ERC1: variants seen among roughly 807,000 people sequenced by gnomAD.
ERC1 encodes ELKS/RAB6-interacting/CAST family member 1, also known as RAB6 interacting protein 2.
In ERC1, 56 loss-of-function variants were observed where a neutral mutation model predicts 132.0. The ratio of observed to expected loss-of-function variants is 0.42; its 90% CI spans 0.34 to 0.53. ERC1 has a LOEUF of 0.53. Among genes scored for constraint, ERC1 ranks in the 20% least tolerant of loss-of-function variants. The pLI, the probability that ERC1 is intolerant of heterozygous loss-of-function variation, is 0.03. For missense variants in ERC1, 1,202 were observed against 1,349.9 expected, an observed-to-expected ratio of 0.89 and a Z score of 1.72; for synonymous variants, 478 against 476.1, an observed-to-expected ratio of 1.00 and a Z score of -0.05.
intron 8 of ERC1, among the ~76,000 whole-genome samples, chr12:1,142,272 T>A (rs1949927641): frequency 6.6e-6 from 1 of 152,186 alleles, no homozygotes; most frequent in Non-Finnish European, 1.5e-5. Context: ...CCTTAGTGCT[T>A]GTTATTTCCC....
intron 12 of ERC1, among the ~76,000 whole-genome samples, chr12:1,230,810 AT>A (rs2074973235): frequency 6.6e-6 from 1 of 152,164 alleles, no homozygotes; most frequent in Admixed American, 6.5e-5. Context: ...GAATTGACCC[AT>A]TTATTGTTGT....
intron 7 of ERC1, among the ~76,000 whole-genome samples, chr12:1,129,091 T>C (rs1238121169): frequency 6.6e-6 from 1 of 152,198 alleles, no homozygotes; most frequent in Non-Finnish European, 1.5e-5. Flanking sequence ...ATGATAGGAA[T>C]GGATTCTTCA....
chr12:1,408,136 A>G lies in ERC1; in HGVS notation c.2926-13A>G. 6.3e-7 allele frequency: 1 copy of G among 1,599,136 alleles called. No homozygotes were observed. Among genetic ancestry groups the G allele is most frequent in the Middle Eastern group, 1.7e-4 (1 of 6,030 alleles). ...TTTACTTAAATTTAACCTTATGAAT[A>G]ATTTCTTCCTAGACGCAAAATCGAA... On this transcript the variant is annotated splice_polypyrimidine_tract_variant and intron_variant, in intron 16 of 18. Coordinates refer to ENST00000360905, the MANE Select transcript of ERC1 (RefSeq NM_178040.4).
At chr12:1,042,411 T>G (rs1241853764) in intron 2 of ERC1, among the ~76,000 whole-genome samples, 1 of 146,564 alleles carries the variant, frequency 6.8e-6, no homozygotes, top group African/African-American at 2.5e-5. Flanking sequence ...AGTGACACGA[T>G]CTTGGCTCAC....
At chr12:1,100,434 TCTG>T (rs1944534826) in intron 3 of ERC1, among the ~76,000 whole-genome samples, 1 of 152,202 alleles carries the variant, frequency 6.6e-6, no homozygotes, top group South Asian at 2.1e-4. Context: ...TATTTTGACT[TCTG>T]CTTTAAAAAG....
Position 1,400,908 on chromosome 12 carries a change from ATTTTTGTATTTTTTTTTTTTTTTTTTTTT to A in ERC1, c.2926-7235_2926-7207del, listed in dbSNP as rs2090974145. 9.2e-5 allele frequency among the ~76,000 whole-genome samples: 4 copies of A among 43,408 alleles called. 1 individual carries two copies. In the South Asian group the frequency reaches 2.0e-3, roughly 22 times the overall value. The allele number at this position is 43,408 out of a possible 152,430, so 28.5% of individuals were successfully genotyped here. ...CTTCTCATTCAATATTGTTTTGGCT[ATTTTTGTATTTTTTTTTTTTTTTTTTTTT>A]TTTTTTTTTTTTTTTTGTGACGGAG... On this transcript the variant is annotated intron_variant, in intron 16 of 18. Coordinates refer to ENST00000360905, the MANE Select transcript of ERC1 (RefSeq NM_178040.4).
chr12:1,324,638 C>T (rs1460170280), intron 15 of ERC1, among the ~76,000 whole-genome samples: 3 of 152,060 alleles, frequency 2.0e-5, no homozygotes, highest in Non-Finnish European at 4.4e-5. Flanking sequence ...AATTATTATC[C>T]AATACATATG....
chr12:1,363,858 G>A (rs1188634414), intron 15 of ERC1, among the ~76,000 whole-genome samples: 1 of 152,114 alleles, frequency 6.6e-6, no homozygotes, highest in Admixed American at 6.6e-5. Context: ...GCCCAACCAT[G>A]AGTGTATTTC....
chr12:993,533 T>C (rs1419551318), intron 1 of ERC1, among the ~76,000 whole-genome samples: 1 of 152,060 alleles, frequency 6.6e-6, no homozygotes, highest in Non-Finnish European at 1.5e-5. Context: ...TACTGAGGTG[T>C]TTTTTTTCCT....
chr12:1,310,083 G>A (rs978080336), intron 15 of ERC1, among the ~76,000 whole-genome samples: 2 of 151,934 alleles, frequency 1.3e-5, no homozygotes, highest in Non-Finnish European at 1.5e-5. Context: ...GAGTAGCTGG[G>A]ACTACAGGCA....
At chr12:1,391,009 G>A (rs554530189) in intron 16 of ERC1, 1 of 152,216 alleles carries the variant, frequency 6.6e-6, no homozygotes, top group African/African-American at 2.4e-5. Context: ...ATCAGTTGCT[G>A]CCTAATTACC....
intron 18 of ERC1, among the ~76,000 whole-genome samples, chr12:1,475,338 G>A (rs759038293): frequency 2.6e-5 from 4 of 152,142 alleles, no homozygotes; most frequent in African/African-American, 4.8e-5. Context: ...TGTCTGCTAC[G>A]TGCAGGCCTT....
chr12:1,196,953 C>T (rs1440096387), intron 12 of ERC1, among the ~76,000 whole-genome samples: 868 of 33,130 alleles, frequency 0.026, 12 homozygotes, highest in Non-Finnish European at 0.031. Context: ...CACACACACA[C>T]ACACACACAT....
intron 12 of ERC1, 78 bp downstream of exon 12, chr12:1,190,130 C>T: frequency 8.0e-7 from 1 of 1,243,386 alleles, no homozygotes; most frequent in Non-Finnish European, 1.2e-6. Flanking sequence ...CATACTTTTT[C>T]AGTGTATCTA....
chr12:1,144,644 A>G (rs1479564421), intron 8 of ERC1, among the ~76,000 whole-genome samples: 1 of 149,530 alleles, frequency 6.7e-6, no homozygotes, highest in Non-Finnish European at 1.5e-5. Flanking sequence ...ACGTGTATAT[A>G]TATACGTATA....
In ERC1 at chr12:1,100,178, G is replaced by A. The variant is rs1391554744; in HGVS notation, c.1087-4572G>A. On this transcript the variant is annotated intron_variant, in intron 3 of 18. Coordinates refer to ENST00000360905, the MANE Select transcript of ERC1 (RefSeq NM_178040.4). ...TTTGACTTTTGAACAGACTTCAACA[G>A]TTAAGGGAAGGAGAGAGCCTGTCAA... 3.3e-5 allele frequency among the ~76,000 whole-genome samples: 5 copies of A among 151,998 alleles called. No individual in the cohort carries two copies. In the East Asian group the frequency reaches 7.7e-4, roughly 23 times the overall value.
intron 14 of ERC1, among the ~76,000 whole-genome samples, chr12:1,274,062 A>G (rs922816726): frequency 6.6e-6 from 1 of 152,246 alleles, no homozygotes; most frequent in East Asian, 1.9e-4. Flanking sequence ...TTCGTGTGGT[A>G]GCATCATGTA....
intron 3 of ERC1, among the ~76,000 whole-genome samples, chr12:1,097,834 C>T (rs535618257): frequency 6.6e-6 from 1 of 151,868 alleles, no homozygotes; most frequent in East Asian, 1.9e-4. Context: ...CCTTCCTCAG[C>T]CTCCCGAGTA....
chr12:1,201,237 A>C (rs1214205687), intron 12 of ERC1, among the ~76,000 whole-genome samples: 2 of 152,188 alleles, frequency 1.3e-5, no homozygotes, highest in Non-Finnish European at 2.9e-5. Context: ...ATACACGTAC[A>C]AGTAAATGGC....
Sources: allele counts gnomAD v4.1 joint callset (sites outside exome capture counted in the v4.1 genomes callset), GRCh38; gene constraint gnomAD v4.1.1; transcripts MANE v1.5; gene names NCBI Gene and HGNC (gene_info 2026-07-23, HGNC 2026-07-21).